LARP1: variants seen among roughly 807,000 people sequenced by gnomAD.
LARP1 encodes the protein La ribonucleoprotein 1, translational regulator.
A neutral mutation model predicts 122.7 loss-of-function variants in LARP1; 36 were observed. The ratio of observed to expected loss-of-function variants is 0.29; its 90% CI spans 0.22 to 0.39. The LOEUF (loss-of-function observed/expected upper bound fraction) is 0.39. Ranked by LOEUF, LARP1 falls within the 10% of genes least tolerant of loss-of-function variation. LARP1 has a pLI of 1.00. For missense variants in LARP1, 1,040 were observed against 1,403.6 expected (o/e 0.74, Z 4.14); for synonymous variants, 539 against 528.7 (o/e 1.02, Z -0.27).
chr5:154,693,501 G>A (rs1207453661), intron 1 of LARP1, among the ~76,000 whole-genome samples: 6 of 152,144 alleles, frequency 3.9e-5, no homozygotes, highest in Non-Finnish European at 8.8e-5. Flanking sequence ...CTTAAAGTGG[G>A]ATGTAGGACT....
chr5:154,812,075 G>C (rs1480118079), intron 18 of LARP1, among the ~76,000 whole-genome samples: 1 of 152,138 alleles, frequency 6.6e-6, no homozygotes, highest in Admixed American at 6.5e-5. Flanking sequence ...TGGCAGGGCT[G>C]GGTTATTACT....
chr5:154,708,501 G>T (rs1755055202), upstream of LARP1, among the ~76,000 whole-genome samples: 2 of 152,226 alleles, frequency 1.3e-5, no homozygotes, highest in East Asian at 1.9e-4. Context: ...TATAAGAGAA[G>T]ACATGTGTGC....
intron 1 of LARP1, among the ~76,000 whole-genome samples, chr5:154,703,848 T>C (rs1310585994): frequency 6.6e-6 from 1 of 152,160 alleles, no homozygotes; most frequent in Non-Finnish European, 1.5e-5. Context: ...CTCGAACTCC[T>C]GACCTCAGGT....
At chr5:154,713,652 T>G (rs945862738) in intron 1 of LARP1, among the ~76,000 whole-genome samples, 1 of 152,174 alleles carries the variant, frequency 6.6e-6, no homozygotes, top group Non-Finnish European at 1.5e-5. Context: ...AACTCCTAGA[T>G]CTAGTTTGCA....
At chr5:154,693,869 A>ACG (rs148758392) in intron 1 of LARP1, among the ~76,000 whole-genome samples, 1 of 146,084 alleles carries the variant, frequency 6.8e-6, no homozygotes, top group Non-Finnish European at 1.5e-5. Flanking sequence ...AAAAAAAAAA[A>ACG]AAAGAAAGAA....
At position 154,804,140 on chromosome 5, in the gene LARP1, T is replaced by C. The variant is rs1029881994; in HGVS notation, c.2440-61T>C. 7.4e-6 allele frequency: 9 copies of C among 1,213,672 alleles called. No homozygotes were observed. The South Asian group carries it at 1.1e-4, about 15-fold the overall frequency. 75.2% of individuals were successfully genotyped at this position (1,213,672 alleles called of 1,614,324 possible). A position where few individuals can be genotyped will look rare whatever the true frequency, so the allele number is the denominator to read the frequency against. Reference sequence around the variant, plus strand: ...ATGCCCATCTTAGTCCTACAAGTGCTTGATGCTCCTCAGAGTTGTAGGAGT... The same window carrying C: ...ATGCCCATCTTAGTCCTACAAGTGCCTGATGCTCCTCAGAGTTGTAGGAGT... On this transcript the variant is annotated intron_variant, in intron 13 of 18. Coordinates refer to ENST00000518297, the MANE Select transcript of LARP1 (RefSeq NM_033551.3).
chr5:154,691,951 G>T (rs957231297), intron 1 of LARP1, among the ~76,000 whole-genome samples: 1 of 146,226 alleles, frequency 6.8e-6, no homozygotes, highest in Non-Finnish European at 1.5e-5. Context: ...CACCACGCCC[G>T]GCTAATTTTT....
intron 1 of LARP1, among the ~76,000 whole-genome samples, chr5:154,706,160 T>A (rs1189084393): frequency 6.6e-6 from 1 of 152,030 alleles, no homozygotes; most frequent in Non-Finnish European, 1.5e-5. Flanking sequence ...CTGGGCATGG[T>A]GGCAGGGACC....
upstream of LARP1, among the ~76,000 whole-genome samples, chr5:154,751,966 AT>A (rs1753524810): frequency 6.6e-6 from 1 of 152,004 alleles, no homozygotes; most frequent in East Asian, 1.9e-4. Context: ...CAATTCCATC[AT>A]TTTTTTATTA....
chr5:154,692,762 C>T (rs902552670), intron 1 of LARP1, among the ~76,000 whole-genome samples: 3 of 152,156 alleles, frequency 2.0e-5, no homozygotes, highest in East Asian at 1.9e-4. Context: ...GGCTGGGGCA[C>T]GAAATATAAT....
intron 16 of LARP1, among the ~76,000 whole-genome samples, chr5:154,810,001 C>G (rs1273393918): frequency 6.6e-6 from 1 of 152,118 alleles, no homozygotes; most frequent in African/African-American, 2.4e-5. Context: ...CCACCGCGCC[C>G]TGCCTTACTA....
intron 1 of LARP1, among the ~76,000 whole-genome samples, chr5:154,748,240 A>G (rs1753306951): frequency 6.6e-6 from 1 of 152,192 alleles, no homozygotes; most frequent in African/African-American, 2.4e-5. Context: ...GGCCTTTGAC[A>G]GTGTTGCTCT....
At chr5:154,764,908 A>G (rs1006322781) in intron 1 of LARP1, among the ~76,000 whole-genome samples, 1 of 151,236 alleles carries the variant, frequency 6.6e-6, no homozygotes, top group African/African-American at 2.4e-5. Flanking sequence ...CCATCACAAA[A>G]AAAAAAAAAA....
At chr5:154,736,583 T>TA in intron 1 of LARP1, among the ~76,000 whole-genome samples, 1 of 148,378 alleles carries the variant, frequency 6.7e-6, no homozygotes. Flanking sequence ...TTTATTTATT[T>TA]TAGACAGAGT....
chr5:154,801,626 T>G (rs1171716865), intron 10 of LARP1, among the ~76,000 whole-genome samples: 1 of 152,170 alleles, frequency 6.6e-6, no homozygotes, highest in Non-Finnish European at 1.5e-5. Flanking sequence ...GCTTCCAGTT[T>G]ATTGGGAGAT....
At chr5:154,708,625 T>A (rs1358854404), upstream of LARP1, among the ~76,000 whole-genome samples, 3 of 152,172 alleles carry the variant, frequency 2.0e-5, no homozygotes, top group East Asian at 5.8e-4. Flanking sequence ...TTGTTGTTGT[T>A]GTTTTGAGAC....
intron 1 of LARP1, among the ~76,000 whole-genome samples, chr5:154,739,054 C>T (rs2113448348): frequency 6.6e-6 from 1 of 152,298 alleles, no homozygotes; most frequent in East Asian, 1.9e-4. Flanking sequence ...CTTGCTCTGT[C>T]ACCCAGGCTG....
chr5:154,761,178 G>C (rs951693316), intron 1 of LARP1, among the ~76,000 whole-genome samples: 2 of 152,190 alleles, frequency 1.3e-5, no homozygotes, highest in African/African-American at 4.8e-5. Context: ...AGCTTTCATC[G>C]GGAGCCTTCA....
chr5:154,788,418 G>A (rs1371101874), intron 1 of LARP1, among the ~76,000 whole-genome samples: 1 of 152,146 alleles, frequency 6.6e-6, no homozygotes, highest in Admixed American at 6.5e-5. Flanking sequence ...GGAGAGCAGT[G>A]GCCTCACAGT....
Sources: gnomAD v4.1 joint callset for allele counts (sites outside exome capture counted in the v4.1 genomes callset) on GRCh38, gnomAD v4.1.1 for gene constraint, MANE v1.5 for transcripts, NCBI Gene and HGNC (gene_info 2026-07-23, HGNC 2026-07-21) for gene names.